GIMAP8: variants seen among roughly 807,000 people sequenced by gnomAD.
GIMAP8 encodes GTPase, IMAP family member 8.
GIMAP8 carries 29 observed loss-of-function variants against 35.6 expected under a neutral mutation model. The observed-to-expected ratio is 0.81, with a 90% CI of 0.61 to 1.11. The LOEUF is 1.11. GIMAP8 is among the 50% of genes most tolerant of loss of function. GIMAP8 has a pLI of 0.00. For missense variants in GIMAP8, 811 were observed against 805.0 expected (o/e 1.01, Z -0.09); for synonymous variants, 335 against 308.7 (o/e 1.09, Z -0.89).
intron 2 of GIMAP8, among the ~76,000 whole-genome samples, chr7:150,468,473 C>T (rs111384336): frequency 7.0e-4 from 106 of 152,266 alleles, no homozygotes; most frequent in African/African-American, 2.5e-3. Context: ...GGGTGTACAG[C>T]AGGCACACAC....
intron 4 of GIMAP8, among the ~76,000 whole-genome samples, chr7:150,476,523 G>A (rs1363417892): frequency 6.6e-6 from 1 of 152,218 alleles, no homozygotes; most frequent in Non-Finnish European, 1.5e-5. Context: ...TGGTTTTAAT[G>A]AGAAATGAAT....
chr7:150,470,793 G>A, intron 2 of GIMAP8, 36 bp from the exon 3 acceptor site: 1 of 464,854 alleles, frequency 2.2e-6, no homozygotes, highest in Non-Finnish European at 3.8e-6. Context: ...TGAGGTTTTA[G>A]ATCTGTGTGC....
In GIMAP8 at chr7:150,450,985, C is replaced by T. The variant is rs923593191; in HGVS notation, c.-219C>T. 9 of 152,266 alleles carry T rather than the reference C, an allele frequency of 5.9e-5. No individual in the cohort carries two copies. The highest frequency in any genetic ancestry group is 7.2e-5 in the African/African-American group (3 of 41,458). The allele number at this position is 152,266 out of a possible 1,614,324, so 9.4% of individuals were successfully genotyped here. A position where few individuals can be genotyped will look rare whatever the true frequency, so the allele number is the denominator to read the frequency against. On this transcript the variant is annotated 5_prime_UTR_variant, in exon 1 of 5. Transcript: ENST00000307271. This position sits in a 1 kb window ranked among gnomAD's most constrained non-coding sequence, Gnocchi z 4.4. Reference sequence around the variant, plus strand: ...TGGCCTGCACAGGGAACTTCCTCTCCGACTGCATTTATGCCTCTGTGGATG... The same window carrying T: ...TGGCCTGCACAGGGAACTTCCTCTCTGACTGCATTTATGCCTCTGTGGATG...
intron 1 of GIMAP8, among the ~76,000 whole-genome samples, chr7:150,452,617 GTATATATGTGTATATATGTA>G (rs1266896238): frequency 3.0e-5 from 4 of 134,842 alleles, no homozygotes; most frequent in Non-Finnish European, 6.3e-5. Flanking sequence ...ATGTATATAT[GTATATATGTGTATATATGTA>G]TATATATGTG....
intron 1 of GIMAP8, among the ~76,000 whole-genome samples, chr7:150,461,945 G>C (rs1801854229): frequency 6.6e-6 from 1 of 152,218 alleles, no homozygotes; most frequent in Non-Finnish European, 1.5e-5. Context: ...CAGGTGGGCT[G>C]AGTCCGAAAA....
chr7:150,452,651 A>G (rs187918305), intron 1 of GIMAP8, among the ~76,000 whole-genome samples: 1,838 of 127,228 alleles, frequency 0.014, 17 homozygotes, highest in Middle Eastern at 0.037. Context: ...ATATGTGTGT[A>G]TATGTGTGTG....
At chr7:150,468,941 C>A (rs534664433) in intron 2 of GIMAP8, among the ~76,000 whole-genome samples, 1 of 152,242 alleles carries the variant, frequency 6.6e-6, no homozygotes, top group South Asian at 2.1e-4. Context: ...AGTGCTCCCT[C>A]CTCTGTGACA....
chr7:150,479,211 T>G lies in GIMAP8; in HGVS notation c.*1431T>G, dbSNP rs1435795776. The stretch of plus-strand genomic sequence containing the variant: ...GAAGATTGAAAAGCTGCCTATTGCG[T>G]GTTATGCTGGTTTCCTGGGTGACAA... On this transcript the variant is annotated 3_prime_UTR_variant, in exon 5 of 5. Coordinates refer to ENST00000307271, the MANE Select transcript of GIMAP8 (RefSeq NM_175571.4). The G allele has an allele frequency of 6.6e-6, 1 of 152,220 alleles. No individual in the cohort carries two copies. The highest frequency in any genetic ancestry group is 1.5e-5 in the Non-Finnish European group (1 of 68,042). 9.4% of individuals were successfully genotyped at this position (152,220 alleles called of 1,614,324 possible).
At chr7:150,468,456 C>T (rs1270485032) in intron 2 of GIMAP8, among the ~76,000 whole-genome samples, 1 of 152,132 alleles carries the variant, frequency 6.6e-6, no homozygotes, top group Non-Finnish European at 1.5e-5. Flanking sequence ...CAAGGGGAAG[C>T]CCCAGAGGGT....
chr7:150,454,474 T>C (rs1801685786), intron 1 of GIMAP8, among the ~76,000 whole-genome samples: 1 of 152,124 alleles, frequency 6.6e-6, no homozygotes, highest in Non-Finnish European at 1.5e-5. Flanking sequence ...CTCAGAGTCC[T>C]TGGGCTAAGT....
intron 3 of GIMAP8, among the ~76,000 whole-genome samples, 177 bp from the exon 4 acceptor site, chr7:150,473,835 C>G (rs751044229): frequency 1.3e-5 from 2 of 152,076 alleles, no homozygotes; most frequent in Non-Finnish European, 2.9e-5. Context: ...TTCACTCCTG[C>G]CCCTGTTTGT....
At chr7:150,464,332 G>A (rs1431169066) in intron 1 of GIMAP8, among the ~76,000 whole-genome samples, 1 of 152,146 alleles carries the variant, frequency 6.6e-6, no homozygotes, top group Non-Finnish European at 1.5e-5. Context: ...CTTACTTAAT[G>A]AAAATATATT....
intron 1 of GIMAP8, among the ~76,000 whole-genome samples, chr7:150,456,573 C>G (rs980967051): frequency 6.6e-6 from 1 of 152,186 alleles, no homozygotes; most frequent in African/African-American, 2.4e-5. Flanking sequence ...GATTATCTGT[C>G]TCAAAATTCT....
At chr7:150,465,995 G>A (rs554043795) in intron 1 of GIMAP8, among the ~76,000 whole-genome samples, 1 of 152,318 alleles carries the variant, frequency 6.6e-6, no homozygotes, top group East Asian at 1.9e-4. Context: ...TGCGTGCAGA[G>A]CAGAAGGTGA....
intron 1 of GIMAP8, among the ~76,000 whole-genome samples, chr7:150,457,564 A>T (rs1462759334): frequency 2.0e-5 from 3 of 152,250 alleles, no homozygotes; most frequent in Non-Finnish European, 4.4e-5. Flanking sequence ...GATCTATGAG[A>T]TGTGTAGAAT....
rs1585108201 is a variant in GIMAP8, at chr7:150,450,938, G to A, written c.-266G>A. 1 of 152,402 alleles carries A rather than the reference G, an allele frequency of 6.6e-6. No individual in the cohort carries two copies. Among genetic ancestry groups the A allele is most frequent in the East Asian group, 1.9e-4 (1 of 5,202 alleles). The allele number at this position is 152,402 out of a possible 1,614,324, so 9.4% of individuals were successfully genotyped here. A position where few individuals can be genotyped will look rare whatever the true frequency, so the allele number is the denominator to read the frequency against. Reference sequence around the variant, plus strand: ...TGCTGGCTCCTCCCTGAGCCCCGACGGCTCTCGAGGTTCTGAGCCTGTGGC... The same window carrying A: ...TGCTGGCTCCTCCCTGAGCCCCGACAGCTCTCGAGGTTCTGAGCCTGTGGC... On this transcript the variant is annotated 5_prime_UTR_variant, in exon 1 of 5. Transcript: ENST00000307271. This position sits in a 1 kb window ranked among gnomAD's most constrained non-coding sequence, Gnocchi z 4.4.
At chr7:150,464,734 T>G (rs989552147) in intron 1 of GIMAP8, among the ~76,000 whole-genome samples, 21 of 152,224 alleles carry the variant, frequency 1.4e-4, no homozygotes, top group African/African-American at 5.1e-4. Context: ...ACAATTTATG[T>G]TAAATGTGCT....
chr7:150,455,688 C>A (rs977272368), intron 1 of GIMAP8, among the ~76,000 whole-genome samples: 1 of 152,198 alleles, frequency 6.6e-6, no homozygotes, highest in African/African-American at 2.4e-5. Context: ...ACGAGGATAA[C>A]CTGGGTCTTG....
intron 3 of GIMAP8, among the ~76,000 whole-genome samples, 173 bp from the exon 4 acceptor site, chr7:150,473,838 CT>C (rs957843125): frequency 1.7e-4 from 26 of 152,228 alleles, no homozygotes; most frequent in Admixed American, 1.4e-3. Context: ...ACTCCTGCCC[CT>C]GTTTGTGGCT....
Sources: allele counts gnomAD v4.1 joint callset (sites outside exome capture counted in the v4.1 genomes callset), GRCh38; gene constraint gnomAD v4.1.1; non-coding constraint Gnocchi (gnomAD v3.1); transcripts MANE v1.5; gene names NCBI Gene and HGNC (gene_info 2026-07-23, HGNC 2026-07-21).